PTPRR: variants seen among roughly 807,000 people sequenced by gnomAD.
PTPRR encodes the protein protein tyrosine phosphatase receptor type R.
A neutral mutation model predicts 77.2 loss-of-function variants in PTPRR; 38 were observed. That is an observed-to-expected ratio of 0.49 (90% CI 0.38 to 0.65). PTPRR has a LOEUF of 0.65. Among genes scored for constraint, PTPRR ranks in the 30% least tolerant of loss-of-function variants. The probability of loss-of-function intolerance (pLI) is 0.00; values close to 1 mark genes in which losing one functional copy is unlikely to be tolerated. For synonymous variants in PTPRR, 299 were observed against 283.1 expected (o/e 1.06, Z -0.57); for missense variants, 744 against 799.2 (o/e 0.93, Z 0.83).
chr12:70,646,163 C>T (rs759841427), intron 13 of PTPRR, among the ~76,000 whole-genome samples: 53 of 152,128 alleles, frequency 3.5e-4, no homozygotes, highest in Admixed American at 7.9e-4. Context: ...CGTTAATGTG[C>T]CTCCTGGGTA....
intron 8 of PTPRR, among the ~76,000 whole-genome samples, chr12:70,698,010 A>G (rs1888288700): frequency 6.6e-6 from 1 of 152,146 alleles, no homozygotes; most frequent in African/African-American, 2.4e-5. Flanking sequence ...TGTTGTAAGA[A>G]TTGGAAATGC....
chr12:70,689,689 T>C (rs900467261), intron 8 of PTPRR, among the ~76,000 whole-genome samples: 51 of 152,026 alleles, frequency 3.4e-4, no homozygotes, highest in African/African-American at 1.2e-3. Context: ...AAGAATCTCA[T>C]GGAGGAGGTT....
intron 2 of PTPRR, among the ~76,000 whole-genome samples, chr12:70,885,123 A>G (rs1031874691): frequency 4.5e-4 from 69 of 152,242 alleles, no homozygotes; most frequent in African/African-American, 1.5e-3. Flanking sequence ...TATTACAATT[A>G]TATGAAGAAT....
At chr12:70,882,520 C>A (rs547142854) in intron 2 of PTPRR, among the ~76,000 whole-genome samples, 10 of 152,256 alleles carry the variant, frequency 6.6e-5, no homozygotes, top group African/African-American at 2.4e-4. Flanking sequence ...GGAGGCCAGT[C>A]CGGCAAGACG....
At chr12:70,695,251 T>C (rs10879181) in intron 8 of PTPRR, among the ~76,000 whole-genome samples, 26,104 of 152,174 alleles carry the variant, frequency 0.17, 2,546 homozygotes, top group East Asian at 0.31. Flanking sequence ...AATCATAATG[T>C]TTAAATTCTT....
intron 2 of PTPRR, among the ~76,000 whole-genome samples, chr12:70,843,035 G>C (rs753728600): frequency 1.3e-5 from 2 of 152,076 alleles, no homozygotes; most frequent in African/African-American, 2.4e-5. Context: ...TTTACTCCAG[G>C]AGTTGAAATA....
chr12:70,878,704 G>C (rs1430908517), intron 2 of PTPRR, among the ~76,000 whole-genome samples: 2 of 152,124 alleles, frequency 1.3e-5, no homozygotes, highest in Non-Finnish European at 2.9e-5. Flanking sequence ...GATTCCTCAA[G>C]GATCTAGAAC....
chr12:70,754,636 T>C (rs376916395), intron 4 of PTPRR: 6 of 1,597,820 alleles, frequency 3.8e-6, no homozygotes, highest in Non-Finnish European at 5.1e-6. Flanking sequence ...GGAAATTGTT[T>C]CTGATTTCCT....
chr12:70,853,885 C>T (rs1285652932), intron 2 of PTPRR, among the ~76,000 whole-genome samples: 2 of 152,210 alleles, frequency 1.3e-5, no homozygotes, highest in Non-Finnish European at 2.9e-5. Flanking sequence ...CGAGTTGTTT[C>T]TACCTTACTC....
chr12:70,903,660 T>G (rs1447251121), intron 1 of PTPRR, among the ~76,000 whole-genome samples: 2 of 151,818 alleles, frequency 1.3e-5, no homozygotes, highest in Middle Eastern at 3.2e-3. Context: ...AAAATCTTTA[T>G]TACCTAAGGT....
At chr12:70,818,653 C>G (rs1434135469) in intron 2 of PTPRR, among the ~76,000 whole-genome samples, 1 of 152,012 alleles carries the variant, frequency 6.6e-6, no homozygotes, top group Admixed American at 6.6e-5. Context: ...TGTCATGTTG[C>G]CTTAGAGGCC....
intron 5 of PTPRR, among the ~76,000 whole-genome samples, chr12:70,752,643 C>A (rs1890439745): frequency 6.6e-6 from 1 of 152,174 alleles, no homozygotes; most frequent in Admixed American, 6.5e-5. Flanking sequence ...CTATCCTTGC[C>A]TTTGCTCTTC....
At chr12:70,779,880 T>C (rs1891167261) in intron 2 of PTPRR, among the ~76,000 whole-genome samples, 1 of 152,214 alleles carries the variant, frequency 6.6e-6, no homozygotes, top group African/African-American at 2.4e-5. Flanking sequence ...ACACACAGAA[T>C]TGATTTAGCA....
At chr12:70,804,129 G>A (rs1891665293) in intron 2 of PTPRR, among the ~76,000 whole-genome samples, 2 of 135,786 alleles carry the variant, frequency 1.5e-5, no homozygotes, top group Admixed American at 1.5e-4. Context: ...TGTTTCACCT[G>A]TTCCTGGCTC....
chr12:70,865,345 T>G (rs1892825394), intron 2 of PTPRR, among the ~76,000 whole-genome samples: 2 of 152,178 alleles, frequency 1.3e-5, no homozygotes, highest in Non-Finnish European at 2.9e-5. Context: ...AGTCTTTATT[T>G]GAAATAAAGC....
chr12:70,787,343 T>C (rs1891343366), intron 2 of PTPRR, among the ~76,000 whole-genome samples: 1 of 152,318 alleles, frequency 6.6e-6, no homozygotes, highest in East Asian at 1.9e-4. Flanking sequence ...GCTAATTTGA[T>C]ACAACACAAT....
chr12:70,745,479 T>C (rs953224507), intron 6 of PTPRR, among the ~76,000 whole-genome samples: 11 of 152,332 alleles, frequency 7.2e-5, no homozygotes, highest in African/African-American at 2.6e-4. Context: ...CTCAGTCTTC[T>C]ACCTACCAGA....
At chr12:70,860,005 G>A (rs1228392082) in intron 2 of PTPRR, among the ~76,000 whole-genome samples, 1 of 151,762 alleles carries the variant, frequency 6.6e-6, no homozygotes. Flanking sequence ...CCCACTCCAA[G>A]TCATTGCTTT....
At chr12:70,662,706 A>G (rs1243735385) in intron 10 of PTPRR, 101 bp from the exon 11 acceptor site, 3 of 584,760 alleles carry the variant, frequency 5.1e-6, no homozygotes, top group Non-Finnish European at 8.9e-6. Flanking sequence ...CATTAGTTTT[A>G]AAATATCAAA....
Sources: gnomAD v4.1 joint callset for allele counts (sites outside exome capture counted in the v4.1 genomes callset) on GRCh38, gnomAD v4.1.1 for gene constraint, MANE v1.5 for transcripts, NCBI Gene and HGNC (gene_info 2026-07-23, HGNC 2026-07-21) for gene names.